MZT2A: variants seen among roughly 807,000 people sequenced by gnomAD.
MZT2A encodes the protein mitotic-spindle organizing protein 2A.
MZT2A carries 8 observed loss-of-function variants against 12.4 expected under a neutral mutation model. That is an observed-to-expected ratio of 0.64 (90% CI 0.38 to 1.16). MZT2A has a LOEUF of 1.16. MZT2A is among the 50% of genes most tolerant of loss of function. The pLI is 0.01. For missense variants in MZT2A, 181 were observed against 223.6 expected (o/e 0.81, Z 1.22); for synonymous variants, 88 against 107.5 (o/e 0.82, Z 1.12).
chr2:131,491,072 G>A, intron 2 of MZT2A: 3 of 999,206 alleles, frequency 3.0e-6, no homozygotes, highest in Non-Finnish European at 3.0e-6. Flanking sequence ...GTCTCCTCCT[G>A]CTTCCAGGCA....
downstream of MZT2A, chr2:131,482,436 G>A (rs1228163620): frequency 1.3e-5 from 19 of 1,451,522 alleles, no homozygotes; most frequent in South Asian, 1.4e-4. Context: ...CGTTTGTGAG[G>A]TGAACTGAGC....
chr2:131,489,531 AT>A (rs10706209), intron 2 of MZT2A: 25,872 of 149,026 alleles, frequency 0.17, 4,044 homozygotes, highest in African/African-American at 0.42. Flanking sequence ...TGCCTGGCTA[AT>A]TTTTTTTTTG....
At chr2:131,474,092 C>A (rs1678560194) in intron 2 of MZT2A, among the ~76,000 whole-genome samples, 1 of 144,834 alleles carries the variant, frequency 6.9e-6, no homozygotes, top group Non-Finnish European at 1.5e-5. Context: ...AATGTAGAGA[C>A]AATAAATAGC....
intron 2 of MZT2A, chr2:131,476,146 T>C: frequency 1.2e-6 from 2 of 1,612,976 alleles, no homozygotes; most frequent in Admixed American, 1.7e-5. Context: ...TCAGCAGCTG[T>C]GGCAGCCGGT....
At position 131,491,902 on chromosome 2, in the gene MZT2A, G is replaced by A. The variant is rs1679327765; in HGVS notation, c.293C>T (p.Pro98Leu). The change falls in exon 2 of 3, where the codon CCC (proline) becomes CTC (leucine). Residue 98 changes from proline (P) to leucine (L), a missense_variant. Coordinates refer to ENST00000309451, the MANE Select transcript of MZT2A (RefSeq NM_001085365.2). ...EPQDPAAVSLPTSSVPETRGR... is the reference protein window; with the variant it reads ...EPQDPAAVSLLTSSVPETRGR... ...TCGGGTCTCGGGCACGCTCGACGTG[G>A]GCAGAGACACGGCCGCAGGGTCCTG... 5.3e-6 allele frequency: 8 copies of A among 1,517,774 alleles called. No individual in the cohort carries two copies. The highest frequency in any genetic ancestry group is 1.4e-5 in the African/African-American group (1 of 71,960). 94.0% of individuals were successfully genotyped at this position (1,517,774 alleles called of 1,614,324 possible). A position where few individuals can be genotyped will look rare whatever the true frequency, so the allele number is the denominator to read the frequency against.
chr2:131,479,826 C>G (rs1317762121), downstream of MZT2A, among the ~76,000 whole-genome samples: 1 of 151,972 alleles, frequency 6.6e-6, no homozygotes, highest in Admixed American at 6.6e-5. Context: ...GGAAACAGAG[C>G]AAGATTCCGT....
chr2:131,483,954 A>T, downstream of MZT2A: 2 of 1,457,226 alleles, frequency 1.4e-6, no homozygotes, highest in Non-Finnish European at 1.8e-6. Flanking sequence ...AACAGTAGAG[A>T]GCATCTGACC....
intron 2 of MZT2A, chr2:131,490,788 C>T (rs1679262787): frequency 1.3e-6 from 2 of 1,549,910 alleles, no homozygotes; most frequent in Non-Finnish European, 1.7e-6. Flanking sequence ...GAGTGTGTGG[C>T]AGCTGGGCTG....
At position 131,476,102 on chromosome 2, in the gene MZT2A, C is replaced by T. The variant is rs1352603021; in HGVS notation, c.279-3920G>A. On this transcript the variant is annotated intron_variant and NMD_transcript_variant, in intron 2 of 4. Transcript: ENST00000427024. ...CTGGCACCGGCGGGCCAATCCCGTG[C>T]GGCGCGCACAGGCAGGAGGTTGCAG... 1.3e-5 allele frequency: 20 copies of T among 1,573,090 alleles called. No homozygotes were observed. The East Asian group carries it at 1.4e-4, about 11-fold the overall frequency.
At chr2:131,490,466 C>T in intron 2 of MZT2A, 1 of 1,385,610 alleles carries the variant, frequency 7.2e-7, no homozygotes, top group Non-Finnish European at 9.4e-7. Flanking sequence ...CACTAGTTCG[C>T]CTCTGGGGTG....
chr2:131,492,895 C>G, upstream of MZT2A: 8 of 1,508,674 alleles, frequency 5.3e-6, no homozygotes, highest in Middle Eastern at 1.9e-4. Context: ...ACAACGCAGG[C>G]GCATTCAGCT....
chr2:131,493,294 C>T (rs1362274981), upstream of MZT2A, among the ~76,000 whole-genome samples: 6 of 152,170 alleles, frequency 3.9e-5, no homozygotes, highest in African/African-American at 1.4e-4. Context: ...TGGAGGGCCC[C>T]GGCTGAGTCT....
At chr2:131,492,719 C>T (rs1388962771), upstream of MZT2A, 2 of 1,277,926 alleles carry the variant, frequency 1.6e-6, no homozygotes, top group Non-Finnish European at 2.0e-6. Flanking sequence ...TCAGTCAATA[C>T]CTGTTTCAAG....
chr2:131,483,044 G>A (rs1419327445), downstream of MZT2A: 17 of 913,794 alleles, frequency 1.9e-5, no homozygotes, highest in Non-Finnish European at 2.7e-5. Flanking sequence ...GTGTGGGGTT[G>A]GGTGCAGCAG....
chr2:131,488,849 A>G (rs886918636), intron 2 of MZT2A, among the ~76,000 whole-genome samples: 8 of 151,532 alleles, frequency 5.3e-5, no homozygotes, highest in African/African-American at 1.9e-4. Context: ...GAAACAAATG[A>G]CCCTGAGGGG....
At chr2:131,485,520 C>A (rs61048554) in intron 2 of MZT2A, among the ~76,000 whole-genome samples, 5,270 of 152,230 alleles carry the variant, frequency 0.035, 285 homozygotes, top group African/African-American at 0.12. Flanking sequence ...CACGCTGCAG[C>A]CCCCTCTGTA....
downstream of MZT2A, among the ~76,000 whole-genome samples, chr2:131,481,539 A>G (rs368211713): frequency 3.3e-5 from 5 of 151,096 alleles, no homozygotes; most frequent in Admixed American, 6.6e-5. Context: ...GGGCTCAAGC[A>G]GTTCTCTGCC....
chr2:131,491,825 C>A, intron 2 of MZT2A, 51 bp downstream of exon 2: 1 of 1,319,862 alleles, frequency 7.6e-7, no homozygotes, highest in Non-Finnish European at 1.0e-6. Context: ...CTGCCCCCTC[C>A]CCGCCCGCCA....
upstream of MZT2A, chr2:131,492,721 T>C: frequency 1.6e-6 from 2 of 1,273,830 alleles, no homozygotes; most frequent in Non-Finnish European, 2.0e-6. Context: ...AGTCAATACC[T>C]GTTTCAAGAA....
Sources: gnomAD v4.1 joint callset for allele counts (sites outside exome capture counted in the v4.1 genomes callset) on GRCh38, gnomAD v4.1.1 for gene constraint, MANE v1.5 for transcripts, NCBI Gene and HGNC (gene_info 2026-07-23, HGNC 2026-07-21) for gene names.